Variants in WWTR1 observed in about 807,000 individuals in gnomAD.
The protein encoded by WWTR1 is WW domain containing transcription regulator 1, also known as WW domain-containing transcription regulator protein 1.
In WWTR1, 13 loss-of-function variants were observed where a neutral mutation model predicts 40.1. The ratio of observed to expected loss-of-function variants is 0.32; its 90% CI spans 0.21 to 0.52. WWTR1 has a LOEUF of 0.52. WWTR1 is among the 20% of genes least tolerant of loss of function. The pLI, the probability that WWTR1 is intolerant of heterozygous loss-of-function variation, is 0.97. For missense variants in WWTR1, 436 were observed against 523.1 expected, an observed-to-expected ratio of 0.83 and a Z score of 1.63; for synonymous variants, 230 against 210.1, an observed-to-expected ratio of 1.09 and a Z score of -0.82.
chr3:149,712,366 G>C (rs1286182652), intron 5 of WWTR1, among the ~76,000 whole-genome samples: 9 of 152,152 alleles, frequency 5.9e-5, no homozygotes, highest in African/African-American at 9.7e-5. Flanking sequence ...TAAAGGGAGG[G>C]AAGGGGTAAG....
Position 149,709,264 on chromosome 3 carries a change from C to T in WWTR1, n.585-5936G>A, listed in dbSNP as rs1001104270. 3.3e-5 allele frequency among the ~76,000 whole-genome samples: 4 copies of T among 121,386 alleles called. No individual in the cohort carries two copies. The East Asian group carries it at 9.7e-4, about 29-fold the overall frequency. 79.6% of individuals were successfully genotyped at this position (121,386 alleles called of 152,430 possible). ...TGCTGGGATTACAGGTGTGGGCCAT[C>T]ATGTCTGGCCTTTTTTTTTTTTTTA... is the stretch of plus-strand genomic sequence containing the variant. On this transcript the variant is annotated intron_variant and non_coding_transcript_variant, in intron 5 of 6. Transcript: ENST00000474080.
rs779188617 is a variant in WWTR1 at position 149,519,473 on chromosome 3, G to C, written c.*1332C>G. On this transcript the variant is annotated 3_prime_UTR_variant, in exon 7 of 7. Transcript: ENST00000360632. ...AAATCTAGGAAGCAAACCTGACAAG[G>C]CTTCAGAATTTAAAAAGCAACAGCT... 6.6e-6 allele frequency: 1 copy of C among 152,130 alleles called. No individual in the cohort carries two copies. The highest frequency in any genetic ancestry group is 2.4e-5 in the African/African-American group (1 of 41,412). The allele number at this position is 152,130 out of a possible 1,614,324, so 9.4% of individuals were successfully genotyped here. A position where few individuals can be genotyped will look rare whatever the true frequency, so the allele number is the denominator to read the frequency against.
At chr3:149,664,461 G>A (rs1713719566) in intron 2 of WWTR1, among the ~76,000 whole-genome samples, 1 of 151,974 alleles carries the variant, frequency 6.6e-6, no homozygotes, top group Non-Finnish European at 1.5e-5. Context: ...AAAAATAATT[G>A]GTGCTGCCAC....
chr3:149,711,542 A>G (rs190084918), intron 5 of WWTR1, among the ~76,000 whole-genome samples: 2 of 152,276 alleles, frequency 1.3e-5, no homozygotes, highest in East Asian at 1.9e-4. Context: ...ATACAACCTG[A>G]TCACTAGTTT....
chr3:149,621,341 T>C (rs1740255532), intron 2 of WWTR1, among the ~76,000 whole-genome samples: 1 of 152,256 alleles, frequency 6.6e-6, no homozygotes, highest in Non-Finnish European at 1.5e-5. Context: ...CTGTAATTTT[T>C]TTTTTAACTC....
intron 1 of WWTR1, among the ~76,000 whole-genome samples, chr3:149,688,809 TAACCAATCCCAG>T (rs1008109177): frequency 5.9e-5 from 9 of 152,056 alleles, no homozygotes; most frequent in Non-Finnish European, 1.2e-4. Context: ...AAGAAACCAG[TAACCAATCCCAG>T]AGTGACCGAG....
chr3:149,711,063 C>A (rs185970399), intron 5 of WWTR1, among the ~76,000 whole-genome samples: 146 of 151,838 alleles, frequency 9.6e-4, no homozygotes, highest in Non-Finnish European at 1.4e-3. Flanking sequence ...GTGATAAACT[C>A]CACCCAAATT....
At chr3:149,538,344 T>C (rs915768502) in intron 4 of WWTR1, among the ~76,000 whole-genome samples, 1 of 152,230 alleles carries the variant, frequency 6.6e-6, no homozygotes, top group Admixed American at 6.5e-5. Flanking sequence ...GCCATTTCTT[T>C]GGTGAACCTG....
chr3:149,704,656 A>G (rs1262187768), upstream of WWTR1, among the ~76,000 whole-genome samples: 2 of 152,208 alleles, frequency 1.3e-5, no homozygotes, highest in African/African-American at 4.8e-5. Flanking sequence ...ACCAAGAAAA[A>G]AGACCTAAAG....
chr3:149,692,515 GCCATATATGACAGAC>G (rs1178744009), intron 1 of WWTR1, among the ~76,000 whole-genome samples: 1 of 152,088 alleles, frequency 6.6e-6, no homozygotes, highest in Admixed American at 6.6e-5. Context: ...CACGATAAAA[GCCATATATGACAGAC>G]CCACAGTTAG....
intron 1 of WWTR1, among the ~76,000 whole-genome samples, chr3:149,678,517 A>T (rs543062055): frequency 6.6e-6 from 1 of 151,914 alleles, no homozygotes; most frequent in Non-Finnish European, 1.5e-5. Flanking sequence ...CTCACTACCT[A>T]CTCTGCAGGG....
At position 149,657,065 on chromosome 3, in the gene WWTR1, C is replaced by A. The variant is rs1257569098; in HGVS notation, c.242G>T (p.Gly81Val). Residue 81 changes from glycine (G) to valine (V), a missense_variant, in exon 2 of 7, where the codon GGT becomes GTT. Gly to Val is a moderately radical substitution (Grantham distance 109, BLOSUM62 -3). Transcript: ENST00000360632. ...GGHPGPRLAG[G>V]AQHVRSHSSP... Reference sequence around the variant, plus strand: ...CGAGTGCGAGCGGACATGCTGGGCACCCCCAGCCAGTCGAGGCCCCGGGTG... The same window carrying A: ...CGAGTGCGAGCGGACATGCTGGGCAACCCCAGCCAGTCGAGGCCCCGGGTG... 2 of 1,571,094 alleles carry A rather than the reference C, an allele frequency of 1.3e-6. No individual in the cohort carries two copies. The highest frequency in any genetic ancestry group is 1.3e-5 in the African/African-American group (1 of 74,432).
intron 4 of WWTR1, among the ~76,000 whole-genome samples, chr3:149,539,544 C>T (rs560869228): frequency 1.6e-4 from 25 of 152,200 alleles, no homozygotes; most frequent in African/African-American, 5.8e-4. Context: ...ACAAACTGTC[C>T]ACTGAGCAAG....
At chr3:149,694,337 T>C (rs1247164822) in intron 1 of WWTR1, among the ~76,000 whole-genome samples, 1 of 152,124 alleles carries the variant, frequency 6.6e-6, no homozygotes, top group East Asian at 1.9e-4. Flanking sequence ...GAGGTTGCAG[T>C]GAGCCGAGAT....
rs113476233 is a variant in WWTR1 at position 149,590,562 on chromosome 3, C to T, written c.432-17562G>A. ...TCGAGAGGCTGAGGCAGGAGAATCG[C>T]TTGAACCCGGGAGGTGGAGGTTGCA... On this transcript the variant is annotated intron_variant, in intron 2 of 6. Coordinates refer to ENST00000360632, the MANE Select transcript of WWTR1 (RefSeq NM_015472.6). Among the ~76,000 whole-genome samples, 1,016 of 152,276 alleles carry T rather than the reference C, an allele frequency of 6.7e-3. 10 individuals are homozygous for T. Among genetic ancestry groups the T allele is most frequent in the African/African-American group, 0.024 (981 of 41,546 alleles).
chr3:149,688,747 C>T (rs1163524588), intron 1 of WWTR1, among the ~76,000 whole-genome samples: 2 of 152,210 alleles, frequency 1.3e-5, no homozygotes, highest in East Asian at 1.9e-4. Context: ...GATGAATATT[C>T]ACAAGCATCA....
chr3:149,717,847 C>T (rs1168814682), intron 4 of WWTR1, among the ~76,000 whole-genome samples: 1 of 152,030 alleles, frequency 6.6e-6, no homozygotes, highest in Non-Finnish European at 1.5e-5. Flanking sequence ...TGTTAGTATT[C>T]ACATGTTTTC....
rs144705777 is a variant in WWTR1, at chr3:149,595,429, T to C, written c.432-22429A>G. On this transcript the variant is annotated intron_variant, in intron 2 of 6. Coordinates refer to ENST00000360632, the MANE Select transcript of WWTR1 (RefSeq NM_015472.6). ...ATAGTAATTTTGTTATGTAAGAAAA[T>C]GTTCTTCTTTTTTAGAGGCAACTAT... Among the ~76,000 whole-genome samples, 1,002 of 152,216 alleles carry C rather than the reference T, an allele frequency of 6.6e-3. 6 individuals carry two copies. The highest frequency in any genetic ancestry group is 0.018 in the African/African-American group (735 of 41,520).
chr3:149,653,862 G>A (rs984243678), intron 2 of WWTR1, among the ~76,000 whole-genome samples: 1 of 152,064 alleles, frequency 6.6e-6, no homozygotes, highest in Admixed American at 6.6e-5. Context: ...TCACCCTTCC[G>A]TGGCCTCAAT....
Sources: allele counts gnomAD v4.1 joint callset (sites outside exome capture counted in the v4.1 genomes callset), GRCh38; gene constraint gnomAD v4.1.1; transcripts MANE v1.5; gene names NCBI Gene and HGNC (gene_info 2026-07-23, HGNC 2026-07-21).